The following MCM5 variants were observed in gnomAD, a reference collection of about 807,000 sequenced individuals.
The protein encoded by MCM5 is minichromosome maintenance complex component 5, also known as DNA replication licensing factor MCM5.
Under a neutral mutation model 79.9 loss-of-function variants are expected in MCM5, and 46 were observed. The ratio of observed to expected loss-of-function variants is 0.58; its 90% CI spans 0.45 to 0.74. The LOEUF (loss-of-function observed/expected upper bound fraction) is 0.74. MCM5 is among the 30% of genes least tolerant of loss of function. MCM5 has a pLI of 0.00. For synonymous variants in MCM5, 404 were observed against 390.5 expected (o/e 1.03, Z -0.41); for missense variants, 883 against 1,017.0 (o/e 0.87, Z 1.79).
chr22:35,406,020 A>G (rs1932200517), intron 4 of MCM5, among the ~76,000 whole-genome samples: 1 of 152,050 alleles, frequency 6.6e-6, no homozygotes, highest in African/African-American at 2.4e-5. Context: ...CAAAAAAAAA[A>G]AAAGAAAAAA....
In MCM5 at chr22:35,421,354, C is replaced by T; in HGVS notation, c.1869C>T (p.Leu623=). Residue 623 remains leucine, a synonymous_variant, in exon 15 of 17, where the codon CTC becomes CTT. Coordinates refer to ENST00000216122, the MANE Select transcript of MCM5 (RefSeq NM_006739.4). ...CCATTGTGCGCATCGCGGAAGCCCT[C>T]AGCAAGATGAAGCTGCAGCCCTTCG... The part of the protein sequence containing the change: ...LEAIVRIAEA[L]SKMKLQPFAT... 3.1e-6 allele frequency: 5 copies of T among 1,614,002 alleles called. No individual in the cohort carries two copies. Among genetic ancestry groups the T allele is most frequent in the South Asian group, 1.1e-5 (1 of 91,086 alleles).
At chr22:35,428,019 CTCTT>C (rs912778136), downstream of MCM5, among the ~76,000 whole-genome samples, 13 of 122,954 alleles carry the variant, frequency 1.1e-4, no homozygotes, top group East Asian at 2.1e-4. Flanking sequence ...CTCTCTCTCT[CTCTT>C]TTTTTTTTTT....
chr22:35,423,768 T>G, intron 16 of MCM5: 1 of 215,714 alleles, frequency 4.6e-6, no homozygotes, highest in Admixed American at 5.8e-5. Context: ...GGAAAACCTG[T>G]CACCTTTAAA....
chr22:35,428,587 A>G (rs1166494411), downstream of MCM5, among the ~76,000 whole-genome samples: 2 of 152,038 alleles, frequency 1.3e-5, no homozygotes, highest in East Asian at 3.9e-4. Flanking sequence ...TAAAAAACCT[A>G]CTATTGACGT....
At chr22:35,421,631 C>A in intron 15 of MCM5, 171 bp downstream of exon 15, 2 of 836,104 alleles carry the variant, frequency 2.4e-6, no homozygotes, top group Non-Finnish European at 4.0e-6. Flanking sequence ...CCTTTCTCCC[C>A]ACCGCTGTTT....
At position 35,400,884 on chromosome 22, in the gene MCM5, A is replaced by G. The variant is rs1235189290; in HGVS notation, c.167+279A>G. ...CGCCAGGCTGGAGTGCAGTGGCACG[A>G]TCTCGGCTCACTGCAACCTCCGCTT... On this transcript the variant is annotated intron_variant, in intron 2 of 16. Transcript: ENST00000216122. 5.3e-5 allele frequency among the ~76,000 whole-genome samples: 8 copies of G among 152,264 alleles called. No homozygotes were observed. In the East Asian group the frequency reaches 7.7e-4, roughly 15 times the overall value.
chr22:35,447,791 A>G, the MCM5 span, among the ~76,000 whole-genome samples: 1 of 152,270 alleles, frequency 6.6e-6, no homozygotes, highest in Admixed American at 6.5e-5. Context: ...TAAGGAGGAA[A>G]CCGTCCACAG....
rs571368612 is a variant in MCM5, at chr22:35,424,262, C to T, written c.*7C>T. ...TCTCTACCGCCTCAAGTGAGTCGCG[C>T]CGCCTCACTGGACTCATGGACTCGC... On this transcript the variant is annotated 3_prime_UTR_variant, in exon 17 of 17. Transcript: ENST00000216122. 25 of 1,535,992 alleles carry T rather than the reference C, an allele frequency of 1.6e-5. No individual in the cohort carries two copies. Among genetic ancestry groups the T allele is most frequent in the African/African-American group, 4.1e-5 (3 of 72,772 alleles).
intron 5 of MCM5, 148 bp from the exon 6 acceptor site, chr22:35,408,260 G>A (rs759933031): frequency 6.5e-5 from 42 of 645,738 alleles, no homozygotes; most frequent in Non-Finnish European, 1.0e-4. Context: ...TCCAGGCAGC[G>A]TTGCCTGCCT....
chr22:35,417,715 G>A (rs1348148018), intron 12 of MCM5, 29 bp from the exon 13 acceptor site: 4 of 1,521,482 alleles, frequency 2.6e-6, no homozygotes, highest in Non-Finnish European at 3.6e-6. Flanking sequence ...CGGCCTGTGG[G>A]ATGACCCATT....
chr22:35,429,440 A>G (rs886204437), downstream of MCM5, among the ~76,000 whole-genome samples: 6 of 152,052 alleles, frequency 3.9e-5, no homozygotes, highest in African/African-American at 1.4e-4. Flanking sequence ...AGGAGATATT[A>G]TTGCCTTCAA....
Position 35,416,736 on chromosome 22 carries a change from T to C in MCM5, c.1512T>C (p.Ile504=). ...RWDETKGEDN[I]DFMPTILSRF... Reference sequence around the variant, plus strand: ...ATGAGACGAAGGGGGAGGACAACATTGACTTCATGCCCACCATCTTGTCGC... The same window carrying C: ...ATGAGACGAAGGGGGAGGACAACATCGACTTCATGCCCACCATCTTGTCGC... Residue 504 remains isoleucine (I), a synonymous_variant, in exon 12 of 17, where the codon ATT becomes ATC. Transcript: ENST00000216122. 1 of 1,614,072 alleles carries C rather than the reference T, an allele frequency of 6.2e-7. No individual in the cohort carries two copies. Among genetic ancestry groups the C allele is most frequent in the South Asian group, 1.1e-5 (1 of 91,074 alleles).
the MCM5 span, among the ~76,000 whole-genome samples, chr22:35,434,594 C>T: frequency 6.6e-6 from 1 of 152,320 alleles, no homozygotes; most frequent in South Asian, 2.1e-4. Context: ...GGGCCTATCT[C>T]CAGAAGTGGG....
chr22:35,416,281 C>T lies in MCM5; in HGVS notation c.1348-58C>T, dbSNP rs375013083. 2.6e-6 allele frequency: 4 copies of T among 1,519,054 alleles called. No individual in the cohort carries two copies. In the African/African-American group the frequency reaches 5.5e-5, roughly 21 times the overall value. 94.1% of individuals were successfully genotyped at this position (1,519,054 alleles called of 1,614,324 possible). A position where few individuals can be genotyped will look rare whatever the true frequency, so the allele number is the denominator to read the frequency against. ...GCTGCTGTTAGTTTTCCTGTTTCTA[C>T]TGCTCCCTGCTCCCTCACTTCAGTA... On this transcript the variant is annotated intron_variant, in intron 10 of 16. Coordinates refer to ENST00000216122, the MANE Select transcript of MCM5 (RefSeq NM_006739.4).
Position 35,411,047 on chromosome 22 carries a change from T to C in MCM5, c.919+137T>C, listed in dbSNP as rs1457604249. On this transcript the variant is annotated intron_variant, in intron 7 of 16. Transcript: ENST00000216122. ...CTCATATCATTAGAACGTTCATTTT[T>C]ATATTAAGTGATCCCTGGAACTTCC... The C allele has an allele frequency of 4.0e-6, 3 of 757,714 alleles. No homozygotes were observed. In the East Asian group the frequency reaches 8.3e-5, roughly 21 times the overall value. 46.9% of individuals were successfully genotyped at this position (757,714 alleles called of 1,614,324 possible). A position where few individuals can be genotyped will look rare whatever the true frequency, so the allele number is the denominator to read the frequency against.
chr22:35,416,904 T>G, intron 12 of MCM5, 90 bp downstream of exon 12: 8 of 1,433,138 alleles, frequency 5.6e-6, no homozygotes, highest in Non-Finnish European at 7.7e-6. Context: ...ACAAGGGCCT[T>G]GGCTGGCAAA....
At chr22:35,437,341 A>G in the MCM5 span, among the ~76,000 whole-genome samples, 4 of 152,306 alleles carry the variant, frequency 2.6e-5, no homozygotes, top group African/African-American at 9.6e-5. Context: ...ATGGACACCA[A>G]AAGAGAGAGG....
chr22:35,454,165 C>G, the MCM5 span, among the ~76,000 whole-genome samples: 1 of 152,060 alleles, frequency 6.6e-6, no homozygotes, highest in African/African-American at 2.4e-5. Context: ...TTCTGCTTCC[C>G]TCCTCCTCTC....
chr22:35,423,097 TCTGA>T, intron 15 of MCM5, 113 bp from the exon 16 acceptor site: 2 of 1,187,758 alleles, frequency 1.7e-6, no homozygotes, highest in Non-Finnish European at 2.3e-6. Flanking sequence ...GGTGCCCTTT[TCTGA>T]CTTACTCTTC....
Sources: allele counts gnomAD v4.1 joint callset (sites outside exome capture counted in the v4.1 genomes callset), GRCh38; gene constraint gnomAD v4.1.1; transcripts MANE v1.5; gene names NCBI Gene and HGNC (gene_info 2026-07-23, HGNC 2026-07-21).